Variants in UNC5C observed in about 807,000 individuals in gnomAD.
UNC5C encodes netrin receptor UNC5C.
A neutral mutation model predicts 99.8 loss-of-function variants in UNC5C; 47 were observed. The observed-to-expected ratio is 0.47, with a 90% CI of 0.37 to 0.60. The LOEUF (loss-of-function observed/expected upper bound fraction) is 0.60, where lower values mean the gene tolerates loss of function less well. Among genes scored for constraint, UNC5C ranks in the 20% least tolerant of loss-of-function variants. The pLI is 0.00. For synonymous variants in UNC5C, 487 were observed against 452.2 expected (o/e 1.08, Z -0.98); for missense variants, 1,062 against 1,165.9 (o/e 0.91, Z 1.30).
chr4:95,543,353 A>C (rs532135845), intron 1 of UNC5C, among the ~76,000 whole-genome samples: 1 of 152,320 alleles, frequency 6.6e-6, no homozygotes, highest in Non-Finnish European at 1.5e-5. Context: ...TGCTCCAAAC[A>C]TGCAAAGAAT....
At chr4:95,334,740 C>T (rs1306358649) in intron 2 of UNC5C, among the ~76,000 whole-genome samples, 1 of 151,906 alleles carries the variant, frequency 6.6e-6, no homozygotes, top group Non-Finnish European at 1.5e-5. Flanking sequence ...ATGGTATTTA[C>T]AGAGCAGCAA....
chr4:95,429,597 C>G (rs1470928042), intron 1 of UNC5C, among the ~76,000 whole-genome samples: 1 of 152,038 alleles, frequency 6.6e-6, no homozygotes, highest in Non-Finnish European at 1.5e-5. Context: ...GTAAGCTTTC[C>G]ATTTCGAGGT....
intron 2 of UNC5C, among the ~76,000 whole-genome samples, chr4:95,312,777 CAT>C (rs1489606051): frequency 3.3e-5 from 5 of 152,086 alleles, no homozygotes; most frequent in Non-Finnish European, 7.4e-5. Context: ...AATGCCCATC[CAT>C]ATATTGAAGG....
intron 2 of UNC5C, among the ~76,000 whole-genome samples, chr4:95,302,307 G>A (rs1741910126): frequency 6.6e-6 from 1 of 152,152 alleles, no homozygotes; most frequent in South Asian, 2.1e-4. Context: ...AAGTTTTCAT[G>A]CATAATAGTT....
rs753413609 is a variant in UNC5C, at chr4:95,250,622, G to A, written c.640C>T (p.Arg214Trp). ...NEDIIDPVED[R>W]NFYITIDHNL... is the part of the protein sequence containing the mutation. ...TGATCAATAGTAATATAAAAATTCCGATCTTCAACGGGATCAATTATGTCT... is the reference window on the plus strand; with the variant it reads ...TGATCAATAGTAATATAAAAATTCCAATCTTCAACGGGATCAATTATGTCT... The change falls in exon 5 of 16, where the codon CGG becomes TGG. Residue 214 changes from arginine to tryptophan, a missense_variant. Around this residue, in one of 3 missense-constraint regions of UNC5C, gnomAD observed 249 missense variants for 295.1 expected, o/e 0.84. Transcript: ENST00000453304. 6.2e-6 allele frequency: 10 copies of A among 1,613,816 alleles called. No individual in the cohort carries two copies. In the East Asian group the frequency reaches 6.7e-5, roughly 11 times the overall value.
rs746224479 is a variant in UNC5C at position 95,301,743 on chromosome 4, A to G, written c.353T>C (p.Ile118Thr). 8 of 1,612,524 alleles carry G rather than the reference A, an allele frequency of 5.0e-6. No individual in the cohort carries two copies. In the South Asian group the frequency reaches 6.6e-5, roughly 13 times the overall value. ...AATCTCAATGCTCACTTCCCGGACA[A>G]TGAGACCTGACAAGAGAAAAAGAAA... ...DERVDETSGLIVREVSIEISR... is the reference protein window; with the variant it reads ...DERVDETSGLTVREVSIEISR... The change falls in exon 3 of 16, where the codon ATT (isoleucine) becomes ACT (threonine). Residue 118 changes from isoleucine to threonine, a missense_variant. Transcript: ENST00000453304.
At chr4:95,373,473 C>T (rs1269373243) in intron 1 of UNC5C, among the ~76,000 whole-genome samples, 1 of 152,212 alleles carries the variant, frequency 6.6e-6, no homozygotes, top group Non-Finnish European at 1.5e-5. Context: ...AAGAATACTT[C>T]CCTGACTGTG....
chr4:95,386,991 G>T (rs1437281870), intron 1 of UNC5C, among the ~76,000 whole-genome samples: 1 of 152,114 alleles, frequency 6.6e-6, no homozygotes. Flanking sequence ...CTAAAGTCTG[G>T]TCTTCTAGAG....
In UNC5C at chr4:95,170,143, A is replaced by C. The variant is rs202026438; in HGVS notation, c.2630+11T>G. On this transcript the variant is annotated intron_variant, in intron 15 of 15. Transcript: ENST00000453304. The stretch of plus-strand genomic sequence containing the variant: ...AGAAAGAAGCTAGTCTTGGGGCCAG[A>C]CCATACCCACCTGTCCAGGTTCAGC... 11 of 1,612,618 alleles carry C rather than the reference A, an allele frequency of 6.8e-6. No homozygotes were observed. In the East Asian group the frequency reaches 2.2e-4, roughly 33 times the overall value.
chr4:95,247,721 C>T (rs993678073), intron 5 of UNC5C, among the ~76,000 whole-genome samples: 2 of 152,116 alleles, frequency 1.3e-5, no homozygotes, highest in Non-Finnish European at 2.9e-5. Flanking sequence ...AAGTTACTTG[C>T]GTTTGATCCT....
chr4:95,366,569 A>C (rs916101435), intron 1 of UNC5C, among the ~76,000 whole-genome samples: 1 of 152,156 alleles, frequency 6.6e-6, no homozygotes, highest in South Asian at 2.1e-4. Flanking sequence ...TCAAATACTA[A>C]CCTAGTCATG....
intron 1 of UNC5C, among the ~76,000 whole-genome samples, chr4:95,367,843 C>A (rs1269740054): frequency 6.6e-6 from 1 of 152,132 alleles, no homozygotes; most frequent in East Asian, 1.9e-4. Flanking sequence ...TTAAGAAATT[C>A]TTTTTGAATT....
At chr4:95,482,413 A>T (rs920083793) in intron 1 of UNC5C, among the ~76,000 whole-genome samples, 9 of 151,680 alleles carry the variant, frequency 5.9e-5, no homozygotes, top group African/African-American at 2.2e-4. Flanking sequence ...TGTTGGTGGG[A>T]CTGTAAACTA....
At chr4:95,184,223 G>C (rs2149351198) in intron 13 of UNC5C, among the ~76,000 whole-genome samples, 1 of 152,270 alleles carries the variant, frequency 6.6e-6, no homozygotes, top group Non-Finnish European at 1.5e-5. Context: ...CAGTAGGCTT[G>C]TTTCCCATAA....
chr4:95,194,252 GGAA>G (rs1560725274), intron 12 of UNC5C, among the ~76,000 whole-genome samples: 3 of 152,292 alleles, frequency 2.0e-5, no homozygotes, highest in African/African-American at 7.2e-5. Flanking sequence ...CTATGTATTA[GGAA>G]CAGGACTTTG....
chr4:95,310,096 A>C (rs1156674227), intron 2 of UNC5C, among the ~76,000 whole-genome samples: 2 of 152,136 alleles, frequency 1.3e-5, no homozygotes, highest in Non-Finnish European at 2.9e-5. Context: ...ACAGGGGAAA[A>C]CGTTCAACCT....
At chr4:95,526,801 CAT>C (rs1722508333) in intron 1 of UNC5C, among the ~76,000 whole-genome samples, 1 of 148,550 alleles carries the variant, frequency 6.7e-6, no homozygotes, top group African/African-American at 2.4e-5. Flanking sequence ...TGAAACTACT[CAT>C]GTGGATTGAA....
chr4:95,534,717 A>T (rs1010435141), intron 1 of UNC5C, among the ~76,000 whole-genome samples: 2 of 152,168 alleles, frequency 1.3e-5, no homozygotes, highest in African/African-American at 4.8e-5. Flanking sequence ...CATTTTAGGA[A>T]TATTTTATTA....
At chr4:95,200,663 T>C (rs1444271417) in intron 12 of UNC5C, among the ~76,000 whole-genome samples, 2 of 152,194 alleles carry the variant, frequency 1.3e-5, no homozygotes, top group Non-Finnish European at 2.9e-5. Context: ...CTCCCTCTAC[T>C]CTCTCTTGAT....
Sources: gnomAD v4.1 joint callset for allele counts (sites outside exome capture counted in the v4.1 genomes callset) on GRCh38, gnomAD v4.1.1 for gene constraint, gnomAD v4.1.1 regional missense constraint, MANE v1.5 for transcripts, NCBI Gene and HGNC (gene_info 2026-07-23, HGNC 2026-07-21) for gene names.